BEAN1: variants seen among roughly 807,000 people sequenced by gnomAD.
BEAN1 encodes protein BEAN1.
BEAN1 carries 17 observed loss-of-function variants against 17.7 expected under a neutral mutation model. The observed-to-expected ratio is 0.96, with a 90% CI of 0.66 to 1.44. BEAN1 has a LOEUF of 1.44. BEAN1 is among the 40% of genes most tolerant of loss of function. BEAN1 has a pLI of 0.00. For missense variants in BEAN1, 359 were observed against 374.1 expected (o/e 0.96, Z 0.33); for synonymous variants, 142 against 151.8 (o/e 0.94, Z 0.47).
At chr16:66,485,994 G>A (rs1277053857), downstream of BEAN1, 1 of 152,224 alleles carries the variant, frequency 6.6e-6, no homozygotes, top group East Asian at 1.9e-4. Flanking sequence ...CCGGGAATAT[G>A]GGCAGGTATG....
chr16:66,429,423 T>C (rs887598001), intron 1 of BEAN1, among the ~76,000 whole-genome samples: 1 of 151,772 alleles, frequency 6.6e-6, no homozygotes, highest in Non-Finnish European at 1.5e-5. Context: ...GCCCAGGGGA[T>C]AGGGGAGGAT....
rs555774743 is a variant in BEAN1, at chr16:66,477,601, C to A, written c.331C>A (p.Arg111Ser). ...HTYSRSSRRM[R>S]YACSSSEDWP... ...ATACAGCCGCTCAAGCCGCAGGATG[C>A]GCTATGCCTGCAGCTCCTCAGAGGA... is the stretch of plus-strand genomic sequence containing the variant. Residue 111 changes from arginine to serine, a missense_variant, in exon 4 of 5, where the codon CGC (arginine) becomes AGC (serine). Physicochemically the swap from Arg to Ser is moderately radical, Grantham distance 110. Transcript: ENST00000536005. 5 of 1,550,128 alleles carry A rather than the reference C, an allele frequency of 3.2e-6. No individual in the cohort carries two copies. Among genetic ancestry groups the A allele is most frequent in the African/African-American group, 2.7e-5 (2 of 72,994 alleles).
rs142343073 is a variant in BEAN1, at chr16:66,477,657, C to G, written c.387C>G (p.Asp129Glu). ...CCCCACCCTTGGACATCAGCTCTGA[C>G]GGGGACGTGGATGCCACGGTGCTCA... ...DWPPPLDISS[D>E]GDVDATVLRE... is the part of the protein sequence containing the mutation. The change falls in exon 4 of 5, where the codon GAC becomes GAG. Residue 129 changes from aspartate to glutamate, a missense_variant. Transcript: ENST00000536005. 13 of 1,550,586 alleles carry G rather than the reference C, an allele frequency of 8.4e-6. No individual in the cohort carries two copies. The highest frequency in any genetic ancestry group is 1.4e-5 in the African/African-American group (1 of 72,994).
intron 2 of BEAN1, among the ~76,000 whole-genome samples, chr16:66,458,985 T>A (rs144000625): frequency 1.7e-3 from 263 of 152,320 alleles, no homozygotes; most frequent in African/African-American, 5.9e-3. Flanking sequence ...GGAATGGGAA[T>A]AATACCACGG....
At chr16:66,479,864 C>T (rs1963918209) in intron 4 of BEAN1, among the ~76,000 whole-genome samples, 1 of 152,158 alleles carries the variant, frequency 6.6e-6, no homozygotes, top group African/African-American at 2.4e-5. Context: ...TGTGTCCAAA[C>T]TGCCCTCAGG....
At chr16:66,493,194 A>G in exon 5 of BEAN1, 1 of 702,980 alleles carries the variant, frequency 1.4e-6, no homozygotes, top group Non-Finnish European at 2.6e-6. Flanking sequence ...CCGGGCACAG[A>G]GAAACTCGCT....
At chr16:66,462,730 G>C (rs1433850288) in intron 2 of BEAN1, among the ~76,000 whole-genome samples, 1 of 152,082 alleles carries the variant, frequency 6.6e-6, no homozygotes, top group African/African-American at 2.4e-5. Context: ...GAACCCAGGA[G>C]GCAGATGTTG....
chr16:66,437,830 G>C (rs1231116526), intron 2 of BEAN1, 129 bp downstream of exon 2: 1 of 1,247,190 alleles, frequency 8.0e-7, no homozygotes, highest in East Asian at 2.5e-5. Context: ...GGCTAATGTG[G>C]CATGCTGGGT....
At chr16:66,490,621 G>A (rs944975146) in intron 4 of BEAN1, among the ~76,000 whole-genome samples, 2 of 152,020 alleles carry the variant, frequency 1.3e-5, no homozygotes, top group Admixed American at 6.6e-5. Flanking sequence ...CCACCTTCCT[G>A]GCGCTTCCAG....
chr16:66,485,692 A>G (rs1230454821), downstream of BEAN1: 1 of 161,266 alleles, frequency 6.2e-6, no homozygotes, highest in African/African-American at 2.4e-5. Flanking sequence ...TGCCGTCCCC[A>G]CCTCAGCCAT....
chr16:66,480,841 G>T lies in BEAN1; in HGVS notation c.696G>T (p.Pro232=). Reference sequence around the variant, plus strand: ...CCCCATCAGGCCTGCTGCCACTGCCGGGCCCAGACCCAGGGCCAAGGGGCT... The same window carrying T: ...CCCCATCAGGCCTGCTGCCACTGCCTGGCCCAGACCCAGGGCCAAGGGGCT... ...AGPPSGLLPL[P]GPDPGPRGSQ... The change falls in exon 5 of 5, where the codon CCG becomes CCT. Residue 232 remains proline (P), a synonymous_variant. Transcript: ENST00000536005. 6.6e-7 allele frequency: 1 copy of T among 1,526,004 alleles called. No individual in the cohort carries two copies. Among genetic ancestry groups the T allele is most frequent in the Non-Finnish European group, 8.8e-7 (1 of 1,132,018 alleles). The allele number at this position is 1,526,004 out of a possible 1,614,324, so 94.5% of individuals were successfully genotyped here.
chr16:66,465,786 G>A (rs1037433251), intron 2 of BEAN1, among the ~76,000 whole-genome samples: 1 of 152,118 alleles, frequency 6.6e-6, no homozygotes, highest in African/African-American at 2.4e-5. Flanking sequence ...GATAGGCCTC[G>A]CCAGAGTTTC....
intron 2 of BEAN1, among the ~76,000 whole-genome samples, chr16:66,466,083 G>C (rs978493564): frequency 2.6e-5 from 4 of 152,108 alleles, no homozygotes; most frequent in Non-Finnish European, 4.4e-5. Context: ...CAAAGTGCTG[G>C]GATTATAGGT....
chr16:66,437,883 C>G, intron 2 of BEAN1, 182 bp downstream of exon 2: 1 of 783,666 alleles, frequency 1.3e-6, no homozygotes, highest in South Asian at 1.5e-5. Context: ...CTGCAAGATG[C>G]TCCCTGAGAA....
exon 5 of BEAN1, chr16:66,493,021 C>T (rs540866817): frequency 6.1e-5 from 43 of 703,004 alleles, no homozygotes; most frequent in East Asian, 3.8e-4. Context: ...ACAAACTGGA[C>T]GCCATCCTGG....
chr16:66,461,613 CAA>C (rs56132409), intron 2 of BEAN1, among the ~76,000 whole-genome samples: 8 of 146,364 alleles, frequency 5.5e-5, no homozygotes, highest in African/African-American at 1.3e-4. Flanking sequence ...CACACACACA[CAA>C]ACGCACGCAC....
At chr16:66,494,055 C>A (rs181548850), downstream of BEAN1, among the ~76,000 whole-genome samples, 198 of 152,292 alleles carry the variant, frequency 1.3e-3, no homozygotes, top group African/African-American at 4.7e-3. Flanking sequence ...CCAGTGGGGG[C>A]TGGTGGCACC....
At position 66,427,433 on chromosome 16, in the gene BEAN1, T is replaced by G. The variant is rs1233932623; in HGVS notation, c.-83+2T>G. ...AGCGGAGCGCTGCAGCCAAGCCGAG[T>G]AAGGGGCGTGGGGCTGGGCGGCGCG... is the stretch of plus-strand genomic sequence containing the variant. On this transcript the variant is annotated splice_donor_variant, in intron 1 of 4. Coordinates refer to ENST00000536005, the MANE Select transcript of BEAN1 (RefSeq NM_001178020.3). LOFTEE classifies it low-confidence loss of function (5UTR_SPLICE). The surrounding 1 kb of genome is among the most constrained non-coding windows in gnomAD (Gnocchi z 4.7). 6.8e-6 allele frequency: 1 copy of G among 147,484 alleles called. No homozygotes were observed. The allele number at this position is 147,484 out of a possible 1,614,324, so 9.1% of individuals were successfully genotyped here.
chr16:66,460,500 C>T (rs1187281956), intron 2 of BEAN1, among the ~76,000 whole-genome samples: 1 of 152,192 alleles, frequency 6.6e-6, no homozygotes, highest in Non-Finnish European at 1.5e-5. Context: ...AGGAGGTCCT[C>T]GCACATCCCT....
Sources: gnomAD v4.1 joint callset for allele counts (sites outside exome capture counted in the v4.1 genomes callset) on GRCh38, gnomAD v4.1.1 for gene constraint, Gnocchi (gnomAD v3.1) non-coding constraint, MANE v1.5 for transcripts, NCBI Gene and HGNC (gene_info 2026-07-23, HGNC 2026-07-21) for gene names.